The following PKP4 variants were observed in gnomAD, a reference collection of about 807,000 sequenced individuals.
PKP4 encodes the protein plakophilin-4.
PKP4 carries 90 observed loss-of-function variants against 145.1 expected under a neutral mutation model. The observed-to-expected ratio is 0.62, with a 90% confidence interval of 0.52 to 0.74. The LOEUF (loss-of-function observed/expected upper bound fraction) is 0.74. PKP4 is among the 30% of genes least tolerant of loss of function. The probability of loss-of-function intolerance (pLI) is 0.00; values close to 1 mark genes in which losing one functional copy is unlikely to be tolerated. For synonymous variants in PKP4, 563 were observed against 577.2 expected (o/e 0.98, Z 0.35); for missense variants, 1,340 against 1,482.7 (o/e 0.90, Z 1.58).
At chr2:158,588,661 AGTGACAC>A (rs1350754709) in intron 3 of PKP4, among the ~76,000 whole-genome samples, 5 of 152,200 alleles carry the variant, frequency 3.3e-5, no homozygotes, top group Admixed American at 3.3e-4. Context: ...ACATTAGTAC[AGTGACAC>A]GTATGTGGAA....
At chr2:158,646,296 A>C (rs1056980631) in intron 11 of PKP4, among the ~76,000 whole-genome samples, 3 of 152,216 alleles carry the variant, frequency 2.0e-5, no homozygotes, top group African/African-American at 7.2e-5. Flanking sequence ...GTTTTCTTCA[A>C]AACATTGAAA....
At chr2:158,587,391 T>G (rs993944580) in intron 3 of PKP4, among the ~76,000 whole-genome samples, 15 of 152,090 alleles carry the variant, frequency 9.9e-5, no homozygotes, top group African/African-American at 3.1e-4. Context: ...CAGTATTGAA[T>G]TATTGAATCA....
At chr2:158,624,442 G>A (rs1214492675) in intron 6 of PKP4, among the ~76,000 whole-genome samples, 1 of 152,144 alleles carries the variant, frequency 6.6e-6, no homozygotes, top group East Asian at 1.9e-4. Flanking sequence ...TCAAATTTTT[G>A]TTTTACATAA....
intron 17 of PKP4, among the ~76,000 whole-genome samples, chr2:158,670,347 A>G (rs914619064): frequency 7.2e-5 from 11 of 152,266 alleles, no homozygotes; most frequent in African/African-American, 2.2e-4. Context: ...CTTGCACGGT[A>G]GAAGGAGGGA....
Position 158,533,211 on chromosome 2 carries a change from G to A in PKP4, c.27G>A (p.Leu9=). 1 of 1,613,462 alleles carries A rather than the reference G, an allele frequency of 6.2e-7. No individual in the cohort carries two copies. The highest frequency in any genetic ancestry group is 8.5e-7 in the Non-Finnish European group (1 of 1,179,918). ...TGCCAGCTCCTGAGCAGGCCTCATTGGTGGAGGAGGGGCAACCACAGACCC... is the reference window on the plus strand; with the variant it reads ...TGCCAGCTCCTGAGCAGGCCTCATTAGTGGAGGAGGGGCAACCACAGACCC... MPAPEQAS[L]VEEGQPQTRQ... Residue 9 remains leucine, a synonymous_variant, in exon 2 of 22, where the codon TTG becomes TTA. Coordinates refer to ENST00000389759, the MANE Select transcript of PKP4 (RefSeq NM_003628.6).
At position 158,481,262 on chromosome 2, in the gene PKP4, G is replaced by A. The variant is rs184258565; in HGVS notation, c.-6+24044G>A. ...TGTGTGAATAATATTCCATCACATG[G>A]TTATACCACATTTGTTTATCCATTC... On this transcript the variant is annotated intron_variant, in intron 1 of 21. Transcript: ENST00000389759. 1.5e-3 allele frequency among the ~76,000 whole-genome samples: 227 copies of A among 152,152 alleles called. 1 individual carries two copies. Among genetic ancestry groups the A allele is most frequent in the African/African-American group, 5.0e-3 (208 of 41,502 alleles).
intron 4 of PKP4, among the ~76,000 whole-genome samples, chr2:158,614,628 T>C (rs995819513): frequency 2.0e-5 from 3 of 152,240 alleles, no homozygotes; most frequent in South Asian, 2.1e-4. Context: ...TATTAGATTT[T>C]GCCCTAGCAA....
At chr2:158,460,780 CA>C (rs1178721461) in intron 1 of PKP4, among the ~76,000 whole-genome samples, 1 of 152,216 alleles carries the variant, frequency 6.6e-6, no homozygotes, top group Non-Finnish European at 1.5e-5. Flanking sequence ...AGTTTGCCTT[CA>C]CGCCTTCAAG....
At chr2:158,592,507 A>C (rs2049361701) in intron 3 of PKP4, among the ~76,000 whole-genome samples, 1 of 152,026 alleles carries the variant, frequency 6.6e-6, no homozygotes, top group Admixed American at 6.6e-5. Flanking sequence ...ACAGAGAGAA[A>C]CCTTTCTTTT....
intron 3 of PKP4, among the ~76,000 whole-genome samples, chr2:158,585,958 A>G (rs2048767480): frequency 7.0e-6 from 1 of 143,060 alleles, no homozygotes; most frequent in Non-Finnish European, 1.6e-5. Context: ...GAACCACACT[A>G]ATCTACACTC....
intron 2 of PKP4, among the ~76,000 whole-genome samples, chr2:158,552,471 G>C (rs193027924): frequency 2.6e-5 from 4 of 152,286 alleles, no homozygotes; most frequent in Admixed American, 1.3e-4. Flanking sequence ...ATTGGATAAT[G>C]GGTAGAGTCT....
chr2:158,662,331 T>A (rs1276122311), intron 13 of PKP4: 1 of 152,290 alleles, frequency 6.6e-6, no homozygotes, highest in Non-Finnish European at 1.5e-5. Flanking sequence ...AACTTGGTTT[T>A]AGACACTCAA....
At chr2:158,676,985 C>G (rs2058070683) in intron 20 of PKP4, 118 bp downstream of exon 20, 2 of 1,193,690 alleles carry the variant, frequency 1.7e-6, no homozygotes, top group Non-Finnish European at 2.5e-6. Flanking sequence ...AGCAGCAAAC[C>G]ATGTTCCAGT....
intron 11 of PKP4, among the ~76,000 whole-genome samples, chr2:158,657,593 G>A (rs938003845): frequency 6.6e-6 from 1 of 152,144 alleles, no homozygotes; most frequent in Non-Finnish European, 1.5e-5. Context: ...GGAAAGTTAC[G>A]GCAAGTGCTT....
At chr2:158,464,940 C>G (rs143427244) in intron 1 of PKP4, among the ~76,000 whole-genome samples, 4 of 152,214 alleles carry the variant, frequency 2.6e-5, no homozygotes, top group African/African-American at 9.6e-5. Flanking sequence ...TAAAACGATA[C>G]TACTTATTTG....
rs76356620 is a variant in PKP4, at chr2:158,606,263, C to T, written c.280+3159C>T. ...GTTCTACAGGAGAATGGTGTGAACC[C>T]GAGAGGCAGAGCCTGCAATGAGCGG... On this transcript the variant is annotated intron_variant, in intron 4 of 21. Transcript: ENST00000389759. 9.0e-3 allele frequency among the ~76,000 whole-genome samples: 1,373 copies of T among 151,834 alleles called. 24 individuals carry two copies. The highest frequency in any genetic ancestry group is 0.032 in the African/African-American group (1,304 of 41,388).
At position 158,673,865 on chromosome 2, in the gene PKP4, TTTCTC is replaced by T. The variant is rs2057781827; in HGVS notation, c.3010-15_3010-11del. 18 of 1,563,884 alleles carry T rather than the reference TTTCTC, an allele frequency of 1.2e-5. No homozygotes were observed. The highest frequency in any genetic ancestry group is 1.6e-5 in the Non-Finnish European group (18 of 1,134,154). ...CATTATTCATTTTGAGAGGTTTCTT[TTTCTC>T]TTAACTCTGCAGGATGGGTGGAATC... is the stretch of plus-strand genomic sequence containing the variant. On this transcript the variant is annotated splice_polypyrimidine_tract_variant and intron_variant, in intron 18 of 21. Coordinates refer to ENST00000389759, the MANE Select transcript of PKP4 (RefSeq NM_003628.6).
chr2:158,632,162 G>A (rs553859011), intron 8 of PKP4, among the ~76,000 whole-genome samples: 25 of 152,288 alleles, frequency 1.6e-4, no homozygotes, highest in Non-Finnish European at 3.1e-4. Flanking sequence ...AATGAACATA[G>A]TGATTATACT....
At chr2:158,641,215 G>A (rs1199940261) in intron 10 of PKP4, among the ~76,000 whole-genome samples, 2 of 151,958 alleles carry the variant, frequency 1.3e-5, no homozygotes, top group East Asian at 3.9e-4. Context: ...TGCATGGCCT[G>A]TAATCCCCGC....
Sources: gnomAD v4.1 joint callset for allele counts (sites outside exome capture counted in the v4.1 genomes callset) on GRCh38, gnomAD v4.1.1 for gene constraint, MANE v1.5 for transcripts, NCBI Gene and HGNC (gene_info 2026-07-23, HGNC 2026-07-21) for gene names.